The following GRK4 variants were observed in gnomAD, a reference collection of about 807,000 sequenced individuals.
The protein encoded by GRK4 is G protein-coupled receptor kinase 4.
In GRK4, 73 loss-of-function variants were observed where a neutral mutation model predicts 77.9. The observed-to-expected ratio is 0.94, with a 90% CI of 0.78 to 1.14. GRK4 has a LOEUF of 1.14. GRK4 is among the 50% of genes most tolerant of loss of function. The pLI is 0.00. For synonymous variants in GRK4, 257 were observed against 254.4 expected (o/e 1.01, Z -0.10); for missense variants, 729 against 700.2 (o/e 1.04, Z -0.46).
chr4:2,963,954 C>A lies in GRK4; in HGVS notation c.-117C>A. ...CAGCCTCCCGGGATCGTGTCCGGAG[C>A]TCGAGGAGAGGGTGGTGCCCGGCGA... On this transcript the variant is annotated 5_prime_UTR_variant, in exon 1 of 16. Coordinates refer to ENST00000398052, the MANE Select transcript of GRK4 (RefSeq NM_182982.3). 1 of 945,670 alleles carries A rather than the reference C, an allele frequency of 1.1e-6. No individual in the cohort carries two copies. Among genetic ancestry groups the A allele is most frequent in the Non-Finnish European group, 1.7e-6 (1 of 603,102 alleles). 58.6% of individuals were successfully genotyped at this position (945,670 alleles called of 1,614,324 possible). A position where few individuals can be genotyped will look rare whatever the true frequency, so the allele number is the denominator to read the frequency against.
intron 10 of GRK4, among the ~76,000 whole-genome samples, chr4:3,024,823 A>G (rs1261948812): frequency 6.6e-6 from 1 of 152,064 alleles, no homozygotes; most frequent in African/African-American, 2.4e-5. Context: ...GCACCACTAC[A>G]CTCCAGCCTG....
intron 15 of GRK4, chr4:3,038,848 T>A: frequency 4.4e-6 from 1 of 227,472 alleles, no homozygotes; most frequent in Non-Finnish European, 8.7e-6. Context: ...GCACTCACAG[T>A]GCATCTCTCC....
chr4:3,016,885 C>T (rs144871908), intron 8 of GRK4, among the ~76,000 whole-genome samples: 1 of 152,210 alleles, frequency 6.6e-6, no homozygotes, highest in African/African-American at 2.4e-5. Context: ...AACCTAGAGA[C>T]ATTTTTCTCC....
intron 12 of GRK4, among the ~76,000 whole-genome samples, chr4:3,031,553 C>A (rs888834627): frequency 2.6e-5 from 4 of 152,150 alleles, no homozygotes; most frequent in African/African-American, 9.7e-5. Flanking sequence ...CAGGGAGTGA[C>A]TAGAGGACAG....
rs934200137 is a variant in GRK4, at chr4:3,019,954, A to G, written c.932+123A>G. 35 of 889,440 alleles carry G rather than the reference A, an allele frequency of 3.9e-5. No individual in the cohort carries two copies. The South Asian group carries it at 5.0e-4, about 13-fold the overall frequency. 55.1% of individuals were successfully genotyped at this position (889,440 alleles called of 1,614,324 possible). A position where few individuals can be genotyped will look rare whatever the true frequency, so the allele number is the denominator to read the frequency against. On this transcript the variant is annotated intron_variant, in intron 9 of 15. Transcript: ENST00000398052. Reference sequence around the variant, plus strand: ...CAGGAGAATAGCTGGGAGGCCCTCGATGGTGATTCTTAGGGTTGGTCACTT... The same window carrying G: ...CAGGAGAATAGCTGGGAGGCCCTCGGTGGTGATTCTTAGGGTTGGTCACTT...
rs954270472 is a variant in GRK4 at position 3,019,498 on chromosome 4, T to C, written c.742-143T>C. On this transcript the variant is annotated intron_variant, in intron 8 of 15. Coordinates refer to ENST00000398052, the MANE Select transcript of GRK4 (RefSeq NM_182982.3). ...GGTCCAAGAGGCACGTGATATGTCC[T>C]GTACATTTCTCTGAAACATATAGTA... The C allele has an allele frequency of 6.7e-6, 5 of 741,878 alleles. No homozygotes were observed. The African/African-American group carries it at 7.1e-5, about 11-fold the overall frequency. 46.0% of individuals were successfully genotyped at this position (741,878 alleles called of 1,614,324 possible). A position where few individuals can be genotyped will look rare whatever the true frequency, so the allele number is the denominator to read the frequency against.
chr4:3,022,522 G>A (rs1736373249), intron 10 of GRK4, 71 bp downstream of exon 10: 3 of 1,345,826 alleles, frequency 2.2e-6, no homozygotes, highest in South Asian at 1.2e-5. Context: ...AAAGTTGGAT[G>A]CAGAAAGTGG....
In GRK4 at chr4:3,004,006, G is replaced by A. The variant is rs377373605; in HGVS notation, c.340-225G>A. ...AGTGCTGGGATTACAGGCGTGTGCC[G>A]TTGCATCTGGCCCTGTGTGTGTTTT... On this transcript the variant is annotated intron_variant, in intron 4 of 15. Transcript: ENST00000398052. 6.1e-4 allele frequency among the ~76,000 whole-genome samples: 93 copies of A among 152,306 alleles called. 1 individual carries two copies. In the South Asian group the frequency reaches 0.018, roughly 30 times the overall value.
intron 1 of GRK4, among the ~76,000 whole-genome samples, chr4:2,964,414 T>A (rs1023053077): frequency 3.9e-5 from 6 of 152,040 alleles, no homozygotes; most frequent in Admixed American, 2.0e-4. Context: ...CCTCTCGGTG[T>A]GACCTCGGTG....
At chr4:3,018,795 T>A (rs1267906866) in intron 8 of GRK4, among the ~76,000 whole-genome samples, 1 of 151,890 alleles carries the variant, frequency 6.6e-6, no homozygotes, top group African/African-American at 2.4e-5. Flanking sequence ...GGAGAATCGC[T>A]TGAAACCTGG....
At chr4:3,033,321 C>G (rs1739672262) in intron 12 of GRK4, among the ~76,000 whole-genome samples, 2 of 152,222 alleles carry the variant, frequency 1.3e-5, no homozygotes, top group South Asian at 4.1e-4. Flanking sequence ...GGCCCCTTTT[C>G]TAATGGCAGG....
intron 2 of GRK4, among the ~76,000 whole-genome samples, chr4:2,988,108 A>G (rs1032791386): frequency 2.7e-5 from 4 of 150,258 alleles, no homozygotes; most frequent in Non-Finnish European, 4.4e-5. Context: ...AAGAAGTAGA[A>G]TCATATGGTA....
Position 2,964,103 on chromosome 4 carries a change from G to A in GRK4, c.33G>A (p.Leu11=), listed in dbSNP as rs763490759. MELENIVANS[L]LLKARQGGYG... ...TCGAGAACATCGTGGCCAACTCGCT[G>A]CTGCTGAAAGCGCGTCAAGGTGGGT... Residue 11 remains leucine, a synonymous_variant, in exon 1 of 16, where the codon CTG becomes CTA. Coordinates refer to ENST00000398052, the MANE Select transcript of GRK4 (RefSeq NM_182982.3). 48 of 1,606,856 alleles carry A rather than the reference G, an allele frequency of 3.0e-5. No individual in the cohort carries two copies. Among genetic ancestry groups the A allele is most frequent in the Non-Finnish European group, 4.0e-5 (47 of 1,178,520 alleles).
chr4:3,004,572 T>TGATA (rs1020706420), intron 5 of GRK4, among the ~76,000 whole-genome samples: 1 of 152,194 alleles, frequency 6.6e-6, no homozygotes, highest in Non-Finnish European at 1.5e-5. Context: ...GAAGCCTTAC[T>TGATA]GATAACATAA....
intron 14 of GRK4, 124 bp from the exon 15 acceptor site, chr4:3,038,252 C>T (rs557253444): frequency 8.2e-7 from 1 of 1,216,416 alleles, no homozygotes; most frequent in Non-Finnish European, 1.2e-6. Flanking sequence ...AGGGGCCCCA[C>T]AGTGGGTGCA....
At chr4:2,973,883 A>G (rs948893724) in intron 1 of GRK4, among the ~76,000 whole-genome samples, 1 of 152,180 alleles carries the variant, frequency 6.6e-6, no homozygotes, top group East Asian at 1.9e-4. Context: ...AGTGGCCTTA[A>G]GACCGCCGCC....
chr4:3,039,336 C>T (rs1347077010), intron 15 of GRK4, among the ~76,000 whole-genome samples: 1 of 152,222 alleles, frequency 6.6e-6, no homozygotes, highest in Non-Finnish European at 1.5e-5. Context: ...TCCTACTTTG[C>T]ACCCTGTGTG....
At chr4:3,013,357 A>T (rs1184959976) in intron 7 of GRK4, among the ~76,000 whole-genome samples, 2 of 152,068 alleles carry the variant, frequency 1.3e-5, no homozygotes, top group Non-Finnish European at 2.9e-5. Flanking sequence ...CAGCTGAAAA[A>T]GAATCTTTTC....
intron 11 of GRK4, 41 bp downstream of exon 11, chr4:3,028,042 G>T (rs750472775): frequency 6.3e-7 from 1 of 1,577,210 alleles, no homozygotes; most frequent in Non-Finnish European, 8.7e-7. Flanking sequence ...TTTCTATCCG[G>T]GTGCCTGAGT....
Sources: allele counts gnomAD v4.1 joint callset (sites outside exome capture counted in the v4.1 genomes callset), GRCh38; gene constraint gnomAD v4.1.1; transcripts MANE v1.5; gene names NCBI Gene and HGNC (gene_info 2026-07-23, HGNC 2026-07-21).